Variants in ZNF469 observed in about 807,000 individuals in gnomAD.
ZNF469 encodes the protein zinc finger protein 469.
ZNF469 carries 1 observed loss-of-function variant against 1.0 expected under a neutral mutation model. The ratio of observed to expected loss-of-function variants is 1.00; its 90% CI spans 0.35 to 4.73. The LOEUF is 4.73. ZNF469 is among the 30% of genes most tolerant of loss of function. The pLI, the probability that ZNF469 is intolerant of heterozygous loss-of-function variation, is 0.16. For synonymous variants in ZNF469, 2,703 were observed against 2,363.4 expected, an observed-to-expected ratio of 1.14 and a Z score of -4.17; for missense variants, 6,100 against 5,356.3, an observed-to-expected ratio of 1.14 and a Z score of -4.33.
chr16:88,433,102 G>T lies in ZNF469; in HGVS notation c.5632G>T (p.Val1878Leu), dbSNP rs868000305. 1 of 1,550,310 alleles carries T rather than the reference G, an allele frequency of 6.5e-7. No homozygotes were observed. Residue 1878 changes from valine (V) to leucine (L), a missense_variant, in exon 3 of 3, where the codon GTG (valine) becomes TTG (leucine). Coordinates refer to ENST00000565624, the MANE Select transcript of ZNF469 (RefSeq NM_001367624.2). The part of the protein sequence containing the change: ...PRGREAWLVP[V>L]PSPACVSNTH... Reference sequence around the variant, plus strand: ...GGGCAGGGAGGCTTGGTTGGTCCCTGTGCCAAGTCCCGCCTGTGTATCCAA... The same window carrying T: ...GGGCAGGGAGGCTTGGTTGGTCCCTTTGCCAAGTCCCGCCTGTGTATCCAA...
the ZNF469 span, among the ~76,000 whole-genome samples, chr16:88,255,569 A>C: frequency 7.9e-3 from 1,203 of 152,338 alleles, 16 homozygotes; most frequent in African/African-American, 0.028. Flanking sequence ...AGAGTGGTAC[A>C]TTCATTCCAG....
intron 2 of ZNF469, among the ~76,000 whole-genome samples, 140 bp from the exon 3 acceptor site, chr16:88,427,204 GC>G (rs1328018054): frequency 1.3e-5 from 2 of 152,126 alleles, no homozygotes; most frequent in Non-Finnish European, 2.9e-5. Context: ...TCCCTTCTAA[GC>G]GCGGAGCTTC....
At chr16:88,377,517 G>A in the ZNF469 span, among the ~76,000 whole-genome samples, 2 of 152,328 alleles carry the variant, frequency 1.3e-5, no homozygotes, top group South Asian at 4.1e-4. Flanking sequence ...CAGATGATGG[G>A]GCAGAAACGC....
At chr16:88,186,324 C>T in the ZNF469 span, among the ~76,000 whole-genome samples, 1 of 152,198 alleles carries the variant, frequency 6.6e-6, no homozygotes, top group African/African-American at 2.4e-5. Flanking sequence ...TGGCCTTTCC[C>T]CTCTTTCCTT....
chr16:88,428,724 C>G lies in ZNF469; in HGVS notation c.1254C>G (p.Thr418=), dbSNP rs952412918. ...GQAYRASGVD[T]SPGPPDTELA... ...CGTACAGAGCCAGTGGGGTGGACAC[C>G]AGCCCGGGGCCTCCGGACACCGAGC... Residue 418 remains threonine, a synonymous_variant, in exon 3 of 3, where the codon ACC becomes ACG. Coordinates refer to ENST00000565624, the MANE Select transcript of ZNF469 (RefSeq NM_001367624.2). 6.5e-7 allele frequency: 1 copy of G among 1,547,806 alleles called. No homozygotes were observed. Among genetic ancestry groups the G allele is most frequent in the Non-Finnish European group, 8.7e-7 (1 of 1,146,726 alleles).
At chr16:88,158,315 C>T in the ZNF469 span, among the ~76,000 whole-genome samples, 1 of 151,826 alleles carries the variant, frequency 6.6e-6, no homozygotes, top group Non-Finnish European at 1.5e-5. Flanking sequence ...TGTGCTCTCG[C>T]TGCTAGAGAG....
At chr16:88,279,376 A>G in the ZNF469 span, among the ~76,000 whole-genome samples, 2 of 151,412 alleles carry the variant, frequency 1.3e-5, no homozygotes, top group African/African-American at 4.9e-5. Flanking sequence ...ACGCTCAGTC[A>G]GTACCTTGTA....
the ZNF469 span, among the ~76,000 whole-genome samples, chr16:88,137,826 G>A: frequency 2.9e-3 from 445 of 152,352 alleles, 1 homozygote; most frequent in Non-Finnish European, 4.2e-3. Context: ...GGCTCAGGGA[G>A]CAATGTGAGG....
chr16:88,149,807 GA>G, the ZNF469 span, among the ~76,000 whole-genome samples: 1 of 152,286 alleles, frequency 6.6e-6, no homozygotes, highest in East Asian at 1.9e-4. Flanking sequence ...TTTCTCCTCA[GA>G]AAACAGGCTG....
At chr16:88,161,677 A>G in the ZNF469 span, among the ~76,000 whole-genome samples, 1 of 152,194 alleles carries the variant, frequency 6.6e-6, no homozygotes, top group African/African-American at 2.4e-5. Context: ...CAGTTATTCA[A>G]TGAATGTTGT....
the ZNF469 span, among the ~76,000 whole-genome samples, chr16:88,251,672 T>C: frequency 1.9e-4 from 28 of 149,814 alleles, no homozygotes; most frequent in East Asian, 5.4e-3. Context: ...AATTCTCCTG[T>C]CTCAGCCTTC....
the ZNF469 span, chr16:88,179,077 C>A: frequency 6.6e-6 from 1 of 152,388 alleles, no homozygotes; most frequent in Non-Finnish European, 1.5e-5. Context: ...GTGCGTGGTC[C>A]GTGTGTGTAA....
At chr16:88,228,299 G>A in the ZNF469 span, among the ~76,000 whole-genome samples, 5 of 152,254 alleles carry the variant, frequency 3.3e-5, no homozygotes, top group African/African-American at 4.8e-5. Flanking sequence ...GCCCCACTGC[G>A]CAGGTCGCCC....
chr16:88,129,375 A>G, the ZNF469 span, among the ~76,000 whole-genome samples: 1 of 151,934 alleles, frequency 6.6e-6, no homozygotes, highest in Non-Finnish European at 1.5e-5. Flanking sequence ...CTTCCTTGGA[A>G]TCTGTGGAGC....
chr16:88,226,099 G>T, the ZNF469 span, among the ~76,000 whole-genome samples: 2 of 152,202 alleles, frequency 1.3e-5, no homozygotes, highest in Non-Finnish European at 2.9e-5. Context: ...GGTCACTCAT[G>T]AAACCGAGCC....
chr16:88,256,288 T>A, the ZNF469 span, among the ~76,000 whole-genome samples: 2 of 152,222 alleles, frequency 1.3e-5, no homozygotes, highest in African/African-American at 4.8e-5. Flanking sequence ...GGATGTCACA[T>A]AGTTGGAAGC....
In ZNF469 at chr16:88,430,371, G is replaced by T. The variant is rs897179627; in HGVS notation, c.2901G>T (p.Ser967=). The T allele has an allele frequency of 1.3e-6, 2 of 1,515,892 alleles. No homozygotes were observed. Among genetic ancestry groups the T allele is most frequent in the Non-Finnish European group, 1.8e-6 (2 of 1,135,748 alleles). The allele number at this position is 1,515,892 out of a possible 1,614,324, so 93.9% of individuals were successfully genotyped here. A position where few individuals can be genotyped will look rare whatever the true frequency, so the allele number is the denominator to read the frequency against. Residue 967 remains serine, a synonymous_variant, in exon 3 of 3, where the codon TCG becomes TCT. Transcript: ENST00000565624. ...DLDSGGAAEG[S]GSGGGGRASG... ...ACTCGGGCGGCGCAGCAGAGGGGTC[G>T]GGGTCGGGCGGCGGCGGCAGAGCCT... is the stretch of plus-strand genomic sequence containing the variant.
chr16:88,431,955 T>G lies in ZNF469; in HGVS notation c.4485T>G (p.Asp1495Glu). Residue 1495 changes from aspartate to glutamate, a missense_variant, in exon 3 of 3, where the codon GAT becomes GAG. By Grantham distance (45) the Asp-to-Glu change is conservative. Coordinates refer to ENST00000565624, the MANE Select transcript of ZNF469 (RefSeq NM_001367624.2). ...ADPPQKTVPSDPPYPSFLLLE... is the reference protein window; with the variant it reads ...ADPPQKTVPSEPPYPSFLLLE... ...CTCCCCAGAAGACGGTGCCGTCAGA[T>G]CCACCGTACCCCTCTTTTTTGCTGC... 1 of 1,549,304 alleles carries G rather than the reference T, an allele frequency of 6.5e-7. No homozygotes were observed. Among genetic ancestry groups the G allele is most frequent in the Non-Finnish European group, 8.7e-7 (1 of 1,146,954 alleles).
At chr16:88,188,488 G>A in the ZNF469 span, among the ~76,000 whole-genome samples, 15 of 152,270 alleles carry the variant, frequency 9.9e-5, no homozygotes, top group East Asian at 2.3e-3. Context: ...CAGGAAGGGC[G>A]AAGTGCAGCT....
Sources: gnomAD v4.1 joint callset for allele counts (sites outside exome capture counted in the v4.1 genomes callset) on GRCh38, gnomAD v4.1.1 for gene constraint, MANE v1.5 for transcripts, NCBI Gene and HGNC (gene_info 2026-07-23, HGNC 2026-07-21) for gene names.